Variants in UGT1A10 observed in about 807,000 individuals in gnomAD.
UGT1A10 encodes UDP glucuronosyltransferase family 1 member A10.
A neutral mutation model predicts 45.8 loss-of-function variants in UGT1A10; 49 were observed. The observed-to-expected ratio is 1.07, with a 90% CI of 0.85 to 1.36. UGT1A10 has a LOEUF of 1.36. Among genes scored for constraint, UGT1A10 ranks in the 40% most tolerant of loss-of-function variants. The pLI is 0.00. For synonymous variants in UGT1A10, 284 were observed against 249.7 expected, an observed-to-expected ratio of 1.14 and a Z score of -1.29; for missense variants, 745 against 668.6, an observed-to-expected ratio of 1.11 and a Z score of -1.26.
intron 1 of UGT1A10, among the ~76,000 whole-genome samples, chr2:233,661,366 A>G (rs2073960038): frequency 6.6e-6 from 1 of 152,086 alleles, no homozygotes; most frequent in Admixed American, 6.6e-5. Flanking sequence ...TTAAACACTT[A>G]GGATATATGA....
At chr2:233,705,327 A>G (rs922136866) in intron 1 of UGT1A10, among the ~76,000 whole-genome samples, 6 of 152,132 alleles carry the variant, frequency 3.9e-5, no homozygotes, top group African/African-American at 1.4e-4. Context: ...TCAGCAACAC[A>G]TTCTCTCAAT....
intron 1 of UGT1A10, among the ~76,000 whole-genome samples, chr2:233,704,131 T>A (rs2075768920): frequency 6.6e-6 from 1 of 152,080 alleles, no homozygotes; most frequent in Non-Finnish European, 1.5e-5. Context: ...CCTCAAGTGA[T>A]CCACCCGCCT....
Position 233,636,469 on chromosome 2 carries a change from A to G in UGT1A10, c.-54A>G, listed in dbSNP as rs975494260. Reference sequence around the variant, plus strand: ...TTTTGTGCCTGTACTTCTTCCGCCTACTGTATCATAGCAGCTTAGAATCCC... The same window carrying G: ...TTTTGTGCCTGTACTTCTTCCGCCTGCTGTATCATAGCAGCTTAGAATCCC... On this transcript the variant is annotated 5_prime_UTR_variant, in exon 1 of 5. Coordinates refer to ENST00000344644, the MANE Select transcript of UGT1A10 (RefSeq NM_019075.4). 3.7e-5 allele frequency: 58 copies of G among 1,564,546 alleles called. No individual in the cohort carries two copies. Among genetic ancestry groups the G allele is most frequent in the Non-Finnish European group, 4.9e-5 (56 of 1,154,306 alleles).
intron 1 of UGT1A10, among the ~76,000 whole-genome samples, chr2:233,724,760 G>A (rs1178180770): frequency 2.1e-5 from 3 of 143,370 alleles, no homozygotes; most frequent in East Asian, 2.2e-4. Flanking sequence ...GACGATGGGC[G>A]GCCAGGCAGA....
chr2:233,729,197 C>A, intron 1 of UGT1A10: 1 of 1,614,002 alleles, frequency 6.2e-7, no homozygotes, highest in Non-Finnish European at 8.5e-7. Context: ...AGTGTCCAGC[C>A]CTGGGCTGAG....
intron 1 of UGT1A10, among the ~76,000 whole-genome samples, chr2:233,737,566 A>G (rs560487651): frequency 6.6e-6 from 1 of 152,226 alleles, no homozygotes; most frequent in South Asian, 2.1e-4. Flanking sequence ...GGATGCACCC[A>G]CTATCCAACC....
Position 233,772,649 on chromosome 2 carries a change from C to A in UGT1A10, c.*90C>A, listed in dbSNP as rs1644667767. The A allele has an allele frequency of 3.2e-6, 5 of 1,548,118 alleles. No individual in the cohort carries two copies. In the Admixed American group the frequency reaches 5.9e-5, roughly 18 times the overall value. On this transcript the variant is annotated 3_prime_UTR_variant, in exon 5 of 5. Coordinates refer to ENST00000344644, the MANE Select transcript of UGT1A10 (RefSeq NM_019075.4). Reference sequence around the variant, plus strand: ...GAATCAGTGTTAAATTCATTTTATTCTTATTAAGGAAATACTTTGCATAAA... The same window carrying A: ...GAATCAGTGTTAAATTCATTTTATTATTATTAAGGAAATACTTTGCATAAA...
Position 233,773,250 on chromosome 2 carries a change from T to C in UGT1A10, c.*691T>C, listed in dbSNP as rs967229603. 2.0e-5 allele frequency: 3 copies of C among 152,350 alleles called. No homozygotes were observed. Among genetic ancestry groups the C allele is most frequent in the Admixed American group, 6.5e-5 (1 of 15,274 alleles). The allele number at this position is 152,350 out of a possible 1,614,324, so 9.4% of individuals were successfully genotyped here. A position where few individuals can be genotyped will look rare whatever the true frequency, so the allele number is the denominator to read the frequency against. Reference sequence around the variant, plus strand: ...AAGTGCTGGGCAAGTTTACTTTTTTTCTGATGTTTCCTACAACTAAAAATA... The same window carrying C: ...AAGTGCTGGGCAAGTTTACTTTTTTCCTGATGTTTCCTACAACTAAAAATA... On this transcript the variant is annotated 3_prime_UTR_variant, in exon 5 of 5. Coordinates refer to ENST00000344644, the MANE Select transcript of UGT1A10 (RefSeq NM_019075.4).
At chr2:233,731,346 T>C (rs1050740292) in intron 1 of UGT1A10, among the ~76,000 whole-genome samples, 9 of 151,806 alleles carry the variant, frequency 5.9e-5, no homozygotes, top group African/African-American at 2.2e-4. Flanking sequence ...GCAGGTTTGA[T>C]ACATAGGTAT....
At chr2:233,639,916 A>G (rs537903114) in intron 1 of UGT1A10, among the ~76,000 whole-genome samples, 1 of 152,334 alleles carries the variant, frequency 6.6e-6, no homozygotes, top group East Asian at 1.9e-4. Context: ...AATGAGAAAA[A>G]GAGGAAGTCA....
chr2:233,705,820 C>A (rs953986068), intron 1 of UGT1A10, among the ~76,000 whole-genome samples: 2 of 152,104 alleles, frequency 1.3e-5, no homozygotes, highest in African/African-American at 4.8e-5. Context: ...GAATTTCAGG[C>A]CGAGCACAGT....
rs552495015 is a variant in UGT1A10 at position 233,755,020 on chromosome 2, T to C, written c.856-12014T>C. On this transcript the variant is annotated intron_variant, in intron 1 of 4. Transcript: ENST00000344644. Reference sequence around the variant, plus strand: ...CTGAAGACCTACTCGAAGGGGTCCTTGAAGGGCCTGCCGCCTGCGCAGCCG... The same window carrying C: ...CTGAAGACCTACTCGAAGGGGTCCTCGAAGGGCCTGCCGCCTGCGCAGCCG... 4.2e-4 allele frequency: 552 copies of C among 1,304,914 alleles called. 2 individuals carry two copies. In the African/African-American group the frequency reaches 6.3e-3, roughly 15 times the overall value. 80.8% of individuals were successfully genotyped at this position (1,304,914 alleles called of 1,614,324 possible). A position where few individuals can be genotyped will look rare whatever the true frequency, so the allele number is the denominator to read the frequency against.
intron 1 of UGT1A10, chr2:233,647,869 T>G: frequency 7.1e-7 from 1 of 1,403,494 alleles, no homozygotes; most frequent in African/African-American, 1.4e-5. Context: ...GTTTTTCTAT[T>G]TCCTATTTCA....
intron 1 of UGT1A10, among the ~76,000 whole-genome samples, chr2:233,675,832 A>T (rs551333925): frequency 1.3e-5 from 2 of 152,336 alleles, no homozygotes; most frequent in African/African-American, 4.8e-5. Context: ...TCCATCACTG[A>T]ACAATTCATT....
chr2:233,649,782 A>G (rs1158309226), intron 1 of UGT1A10, among the ~76,000 whole-genome samples: 1 of 152,190 alleles, frequency 6.6e-6, no homozygotes, highest in Admixed American at 6.5e-5. Context: ...TATAAAGCAG[A>G]ATGCCCTTAG....
intron 1 of UGT1A10, among the ~76,000 whole-genome samples, chr2:233,669,349 A>G (rs902204733): frequency 5.9e-5 from 9 of 152,196 alleles, no homozygotes; most frequent in African/African-American, 2.2e-4. Flanking sequence ...TTTGTACAAA[A>G]AGATAGCCTG....
At chr2:233,687,689 G>A (rs1159780440) in intron 1 of UGT1A10, among the ~76,000 whole-genome samples, 1 of 151,460 alleles carries the variant, frequency 6.6e-6, no homozygotes, top group African/African-American at 2.4e-5. Context: ...GATCACTTAA[G>A]CCCAGGAGTT....
chr2:233,691,144 GT>G (rs951408095), intron 1 of UGT1A10: 5 of 985,646 alleles, frequency 5.1e-6, no homozygotes, highest in Non-Finnish European at 6.0e-6. Context: ...TAGATGAACT[GT>G]TCTTTGAAGG....
At chr2:233,671,607 C>CT (rs2074194015) in intron 1 of UGT1A10, among the ~76,000 whole-genome samples, 1 of 152,170 alleles carries the variant, frequency 6.6e-6, no homozygotes, top group African/African-American at 2.4e-5. Context: ...TTTACTTTTA[C>CT]TTTATCTTTC....
Sources: gnomAD v4.1 joint callset for allele counts (sites outside exome capture counted in the v4.1 genomes callset) on GRCh38, gnomAD v4.1.1 for gene constraint, MANE v1.5 for transcripts, NCBI Gene and HGNC (gene_info 2026-07-23, HGNC 2026-07-21) for gene names.